NCALD: variants seen among roughly 807,000 people sequenced by gnomAD.
The protein encoded by NCALD is neurocalcin-delta.
A neutral mutation model predicts 18.6 loss-of-function variants in NCALD; 10 were observed. The ratio of observed to expected loss-of-function variants is 0.54; its 90% confidence interval spans 0.33 to 0.91. The LOEUF (loss-of-function observed/expected upper bound fraction) is 0.91, where lower values mean the gene tolerates loss of function less well. NCALD is among the 40% of genes least tolerant of loss of function. The probability of loss-of-function intolerance (pLI) is 0.03; values close to 1 mark genes in which losing one functional copy is unlikely to be tolerated. For synonymous variants in NCALD, 88 were observed against 87.4 expected (o/e 1.01, Z -0.04); for missense variants, 184 against 247.6 (o/e 0.74, Z 1.72).
chr8:101,944,222 G>A (rs968361763), intron 2 of NCALD, among the ~76,000 whole-genome samples: 9 of 152,238 alleles, frequency 5.9e-5, no homozygotes, highest in African/African-American at 1.9e-4. Flanking sequence ...TTTGTCACGG[G>A]CAAGTCCAGC....
At chr8:102,083,139 C>G (rs1283287777) in intron 1 of NCALD, among the ~76,000 whole-genome samples, 1 of 152,220 alleles carries the variant, frequency 6.6e-6, no homozygotes, top group African/African-American at 2.4e-5. Flanking sequence ...TCAGTGTCTT[C>G]CCCATGGATG....
intron 1 of NCALD, among the ~76,000 whole-genome samples, chr8:101,780,162 G>GA (rs1278357156): frequency 5.9e-5 from 9 of 152,000 alleles, no homozygotes; most frequent in African/African-American, 2.2e-4. Context: ...AAATGAATAT[G>GA]AATAGAAGAC....
chr8:101,897,266 A>C (rs1789838458), intron 3 of NCALD, among the ~76,000 whole-genome samples: 1 of 149,590 alleles, frequency 6.7e-6, no homozygotes, highest in Non-Finnish European at 1.5e-5. Context: ...TATCGCAAGA[A>C]CAAAAAACCA....
chr8:102,108,839 C>A (rs999562707), intron 1 of NCALD, among the ~76,000 whole-genome samples: 4 of 152,104 alleles, frequency 2.6e-5, no homozygotes, highest in African/African-American at 9.7e-5. Context: ...CAGTTTCAAA[C>A]ACAGATTTAT....
chr8:101,811,709 G>C (rs180780426), intron 4 of NCALD, among the ~76,000 whole-genome samples: 1 of 152,268 alleles, frequency 6.6e-6, no homozygotes, highest in East Asian at 1.9e-4. Context: ...CTCAGGGGAG[G>C]GAGATGTTCC....
At chr8:101,903,993 C>G (rs1407631305) in intron 3 of NCALD, among the ~76,000 whole-genome samples, 2 of 152,206 alleles carry the variant, frequency 1.3e-5, no homozygotes, top group Admixed American at 6.5e-5. Flanking sequence ...AATGCCCACT[C>G]CTGCGCTCCT....
intron 2 of NCALD, among the ~76,000 whole-genome samples, chr8:101,931,596 C>T (rs1381994194): frequency 3.3e-5 from 5 of 151,688 alleles, no homozygotes; most frequent in Admixed American, 6.6e-5. Flanking sequence ...ACAGATGTCT[C>T]AAGTGTCAAT....
intron 1 of NCALD, among the ~76,000 whole-genome samples, chr8:101,732,590 C>CTTTTTTTTTTTT (rs576286368): frequency 3.2e-4 from 17 of 53,676 alleles, no homozygotes; most frequent in Admixed American, 9.0e-4. Flanking sequence ...TTTTTCTTTG[C>CTTTTTTTTTTTT]TTTTTTTTTT....
intron 4 of NCALD, among the ~76,000 whole-genome samples, chr8:101,804,530 A>T (rs1273309800): frequency 1.6e-5 from 2 of 123,192 alleles, no homozygotes; most frequent in Non-Finnish European, 3.1e-5. Flanking sequence ...CAAAGATTAT[A>T]TAATATATAA....
chr8:102,073,513 C>T (rs1174000266), intron 1 of NCALD, among the ~76,000 whole-genome samples: 1 of 147,272 alleles, frequency 6.8e-6, no homozygotes, highest in Non-Finnish European at 1.5e-5. Context: ...GGCAGAATTA[C>T]AGTAAAAATA....
chr8:101,736,248 C>T (rs567842245), intron 1 of NCALD, among the ~76,000 whole-genome samples: 7 of 152,266 alleles, frequency 4.6e-5, no homozygotes, highest in African/African-American at 7.2e-5. Flanking sequence ...AAAACCTGTT[C>T]GTATCCCTTT....
intron 4 of NCALD, among the ~76,000 whole-genome samples, chr8:101,835,827 A>G (rs989851215): frequency 2.6e-5 from 4 of 152,174 alleles, no homozygotes; most frequent in African/African-American, 9.7e-5. Flanking sequence ...CAAGGGGAGC[A>G]TGCACAGCTG....
intron 2 of NCALD, among the ~76,000 whole-genome samples, chr8:101,708,559 A>G (rs534111849): frequency 2.0e-5 from 3 of 152,374 alleles, no homozygotes; most frequent in Admixed American, 2.0e-4. Context: ...ATTGAGTGAT[A>G]GCCCATGCAG....
At chr8:101,960,809 T>G (rs1355648656) in intron 2 of NCALD, among the ~76,000 whole-genome samples, 2 of 152,202 alleles carry the variant, frequency 1.3e-5, no homozygotes, top group Non-Finnish European at 2.9e-5. Context: ...CTGATCACTC[T>G]GATTGATTTC....
rs1034781115 is a variant in NCALD at position 101,832,138 on chromosome 8, T to A, written c.-20+55003A>T. On this transcript the variant is annotated intron_variant, in intron 4 of 6. Transcript: ENST00000311028. ...ATATACCAGGCTTCGTGGTCTGGTG[T>A]GCATTTTAACTTACATTATATCTGA... Among the ~76,000 whole-genome samples, 102 of 152,170 alleles carry A rather than the reference T, an allele frequency of 6.7e-4. 1 individual carries two copies. The highest frequency in any genetic ancestry group is 2.4e-3 in the African/African-American group (99 of 41,442).
intron 2 of NCALD, among the ~76,000 whole-genome samples, chr8:101,921,203 G>A (rs1420231567): frequency 3.3e-5 from 5 of 150,910 alleles, no homozygotes; most frequent in Non-Finnish European, 7.4e-5. Flanking sequence ...TAATTAGTCT[G>A]TCAAGTACAA....
At chr8:101,855,952 T>C (rs897689921) in intron 4 of NCALD, among the ~76,000 whole-genome samples, 2 of 152,204 alleles carry the variant, frequency 1.3e-5, no homozygotes, top group African/African-American at 2.4e-5. Flanking sequence ...CAAATATAGA[T>C]ATCCTCATGA....
chr8:101,771,843 G>T (rs1811597169), intron 1 of NCALD, among the ~76,000 whole-genome samples: 1 of 152,154 alleles, frequency 6.6e-6, no homozygotes, highest in African/African-American at 2.4e-5. Flanking sequence ...TATACGCAAG[G>T]TACTATCTAT....
At chr8:102,085,434 A>G (rs1211260970) in intron 1 of NCALD, among the ~76,000 whole-genome samples, 1 of 152,142 alleles carries the variant, frequency 6.6e-6, no homozygotes, top group Non-Finnish European at 1.5e-5. Context: ...TTTTAAACAA[A>G]TCTTCCTATC....
Sources: gnomAD v4.1 joint callset for allele counts (sites outside exome capture counted in the v4.1 genomes callset) on GRCh38, gnomAD v4.1.1 for gene constraint, MANE v1.5 for transcripts, NCBI Gene and HGNC (gene_info 2026-07-23, HGNC 2026-07-21) for gene names.